SYNPR: variants seen among roughly 807,000 people sequenced by gnomAD.
The protein encoded by SYNPR is synaptoporin.
A neutral mutation model predicts 32.9 loss-of-function variants in SYNPR; 23 were observed. The ratio of observed to expected loss-of-function variants is 0.70; its 90% confidence interval spans 0.50 to 0.99. The LOEUF (loss-of-function observed/expected upper bound fraction) is 0.99. SYNPR is among the 50% of genes least tolerant of loss of function. SYNPR has a pLI of 0.00. For synonymous variants in SYNPR, 146 were observed against 135.9 expected (o/e 1.07, Z -0.52); for missense variants, 318 against 349.3 (o/e 0.91, Z 0.71).
chr3:63,250,914 C>CT (rs1008395971), intron 1 of SYNPR, among the ~76,000 whole-genome samples: 5 of 151,662 alleles, frequency 3.3e-5, no homozygotes, highest in South Asian at 2.1e-4. Flanking sequence ...TGGCTGTTTT[C>CT]TTTTTTTTAG....
intron 2 of SYNPR, among the ~76,000 whole-genome samples, chr3:63,336,519 C>CAAAAAAAAAAAAAAAAAAAAA (rs3082131): frequency 2.0e-5 from 1 of 48,816 alleles, no homozygotes; most frequent in Non-Finnish European, 3.9e-5. Flanking sequence ...CATTCCCATG[C>CAAAAAAAAAAAAAAAAAAAAA]AAAAAAAAAA....
intron 4 of SYNPR, among the ~76,000 whole-genome samples, chr3:63,584,022 A>C (rs1703139744): frequency 6.6e-6 from 1 of 152,102 alleles, no homozygotes; most frequent in South Asian, 2.1e-4. Context: ...AGAAAGAAAA[A>C]TACTGGCCTT....
chr3:63,351,068 G>T (rs146221738), intron 2 of SYNPR, among the ~76,000 whole-genome samples: 42 of 152,114 alleles, frequency 2.8e-4, no homozygotes, highest in South Asian at 2.3e-3. Flanking sequence ...TCCTATTTAC[G>T]TAGTAGACTG....
intron 2 of SYNPR, among the ~76,000 whole-genome samples, chr3:63,403,230 A>T (rs191011806): frequency 6.6e-6 from 1 of 152,260 alleles, no homozygotes; most frequent in Non-Finnish European, 1.5e-5. Context: ...AAGTGTTATC[A>T]GTTCCTAGTC....
chr3:63,561,308 C>A (rs572573251), intron 4 of SYNPR: 1 of 152,210 alleles, frequency 6.6e-6, no homozygotes, highest in Non-Finnish European at 1.5e-5. Context: ...CTCAAGACAA[C>A]CCTAGTTTAT....
chr3:63,558,381 C>T (rs760756276), intron 4 of SYNPR, among the ~76,000 whole-genome samples: 12 of 152,010 alleles, frequency 7.9e-5, no homozygotes, highest in African/African-American at 2.7e-4. Context: ...ATGCCACCAC[C>T]CAGGCTGGCA....
At chr3:63,366,512 T>C (rs774334742) in intron 2 of SYNPR, among the ~76,000 whole-genome samples, 10 of 152,208 alleles carry the variant, frequency 6.6e-5, no homozygotes, top group Non-Finnish European at 1.5e-4. Flanking sequence ...TTTTACCTAG[T>C]GATTCATCCT....
intron 2 of SYNPR, chr3:63,445,646 A>G (rs1278516889): frequency 1.6e-6 from 1 of 627,316 alleles, no homozygotes; most frequent in East Asian, 2.8e-5. Flanking sequence ...AATCTTGACA[A>G]GCACTCTATG....
intron 2 of SYNPR, among the ~76,000 whole-genome samples, chr3:63,331,847 A>G (rs2087234219): frequency 6.6e-6 from 1 of 152,172 alleles, no homozygotes; most frequent in Admixed American, 6.5e-5. Flanking sequence ...ATATCTACTG[A>G]GTTTTAATGT....
chr3:63,513,024 A>G (rs1342695644), intron 3 of SYNPR, among the ~76,000 whole-genome samples: 1 of 152,068 alleles, frequency 6.6e-6, no homozygotes, highest in African/African-American at 2.4e-5. Context: ...TGCTTACTGC[A>G]GGCAAGGGGG....
chr3:63,421,585 A>T (rs990374940), intron 2 of SYNPR, among the ~76,000 whole-genome samples: 1 of 152,208 alleles, frequency 6.6e-6, no homozygotes, highest in African/African-American at 2.4e-5. Context: ...TGCCTTGTAT[A>T]TTCATTTCCA....
At chr3:63,306,256 G>C (rs1205627914) in intron 2 of SYNPR, among the ~76,000 whole-genome samples, 2 of 151,970 alleles carry the variant, frequency 1.3e-5, no homozygotes, top group Non-Finnish European at 2.9e-5. Context: ...GGTACCAGCT[G>C]ACTGCAGCCC....
At chr3:63,291,107 T>A (rs1043410895) in intron 2 of SYNPR, among the ~76,000 whole-genome samples, 1 of 152,206 alleles carries the variant, frequency 6.6e-6, no homozygotes, top group Non-Finnish European at 1.5e-5. Context: ...TGATTTAGAA[T>A]GTACTGGATT....
chr3:63,479,697 T>C (rs1701007441), intron 2 of SYNPR, among the ~76,000 whole-genome samples: 1 of 152,218 alleles, frequency 6.6e-6, no homozygotes, highest in Non-Finnish European at 1.5e-5. Context: ...AGCAGCCTTC[T>C]TGTCCACAGC....
chr3:63,225,750 A>G (rs1466636391), upstream of SYNPR, among the ~76,000 whole-genome samples: 1 of 152,216 alleles, frequency 6.6e-6, no homozygotes, highest in Non-Finnish European at 1.5e-5. Flanking sequence ...CTAGGCAAAG[A>G]TTTTATAGCA....
chr3:63,405,670 T>C (rs1235028201), intron 2 of SYNPR, among the ~76,000 whole-genome samples: 32 of 152,300 alleles, frequency 2.1e-4, no homozygotes, highest in South Asian at 2.1e-4. Flanking sequence ...GGCTGCCATG[T>C]GGACAGTGAT....
At chr3:63,609,712 G>C (rs1700171605) in intron 5 of SYNPR, among the ~76,000 whole-genome samples, 1 of 152,080 alleles carries the variant, frequency 6.6e-6, no homozygotes, top group Non-Finnish European at 1.5e-5. Flanking sequence ...TTCAAGACCA[G>C]ACTGGCCAAC....
intron 2 of SYNPR, among the ~76,000 whole-genome samples, chr3:63,424,546 C>T (rs1252750698): frequency 6.6e-6 from 1 of 152,028 alleles, no homozygotes; most frequent in Non-Finnish European, 1.5e-5. Flanking sequence ...TTATTATTTC[C>T]ATTTTATTGT....
At chr3:63,281,635 A>T (rs1444764115) in intron 2 of SYNPR, among the ~76,000 whole-genome samples, 1 of 152,126 alleles carries the variant, frequency 6.6e-6, no homozygotes, top group Non-Finnish European at 1.5e-5. Flanking sequence ...CACTAATCCC[A>T]TTCACAAGGG....
Sources: gnomAD v4.1 joint callset for allele counts (sites outside exome capture counted in the v4.1 genomes callset) on GRCh38, gnomAD v4.1.1 for gene constraint, MANE v1.5 for transcripts, NCBI Gene and HGNC (gene_info 2026-07-23, HGNC 2026-07-21) for gene names.